The following ADAM32 variants were observed in gnomAD, a reference collection of about 807,000 sequenced individuals.
The protein encoded by ADAM32 is disintegrin and metalloproteinase domain-containing protein 32.
ADAM32 carries 89 observed loss-of-function variants against 114.9 expected under a neutral mutation model. That is an observed-to-expected ratio of 0.77 (90% CI 0.65 to 0.92). The LOEUF is 0.92. Ranked by LOEUF, ADAM32 falls within the 40% of genes least tolerant of loss-of-function variation. ADAM32 has a pLI of 0.00. For synonymous variants in ADAM32, 285 were observed against 307.5 expected (o/e 0.93, Z 0.77); for missense variants, 870 against 932.8 (o/e 0.93, Z 0.88).
chr8:39,242,871 A>G (rs1810653036), intron 16 of ADAM32, among the ~76,000 whole-genome samples: 1 of 152,184 alleles, frequency 6.6e-6, no homozygotes, highest in African/African-American at 2.4e-5. Flanking sequence ...GATAAACAAA[A>G]CGGATAGACC....
intron 6 of ADAM32, chr8:39,157,578 G>T: frequency 1.9e-6 from 1 of 535,578 alleles, no homozygotes; most frequent in South Asian, 1.5e-5. Context: ...TTTCTTGAGT[G>T]GTCCCATGAA....
At chr8:39,271,001 G>A in intron 20 of ADAM32, 87 bp downstream of exon 20, 1 of 1,235,984 alleles carries the variant, frequency 8.1e-7, no homozygotes, top group South Asian at 1.4e-5. Context: ...ATTTTTTTTT[G>A]AACATCAATT....
At chr8:39,210,905 G>A (rs1808160311) in intron 11 of ADAM32, among the ~76,000 whole-genome samples, 1 of 151,932 alleles carries the variant, frequency 6.6e-6, no homozygotes, top group Non-Finnish European at 1.5e-5. Flanking sequence ...TTTTAAAATT[G>A]GATTACTGTG....
At position 39,206,919 on chromosome 8, in the gene ADAM32, G is replaced by T. The variant is rs1029445377; in HGVS notation, c.1053-4225G>T. The stretch of plus-strand genomic sequence containing the variant: ...TGTGTCAGCTTGGGTCTTGGTGGGT[G>T]GGGGATGGGGGTGTTTGGGATCCAG... On this transcript the variant is annotated intron_variant, in intron 11 of 24. Coordinates refer to ENST00000379907, the MANE Select transcript of ADAM32 (RefSeq NM_145004.7). 2.6e-5 allele frequency among the ~76,000 whole-genome samples: 4 copies of T among 152,154 alleles called. No individual in the cohort carries two copies. The East Asian group carries it at 7.7e-4, about 29-fold the overall frequency.
chr8:39,160,848 A>C, intron 6 of ADAM32, 49 bp from the exon 7 acceptor site: 1 of 1,476,000 alleles, frequency 6.8e-7, no homozygotes. Flanking sequence ...TTCAAGTAAA[A>C]AAATTATGAA....
intron 6 of ADAM32, among the ~76,000 whole-genome samples, chr8:39,159,587 T>A (rs1179376164): frequency 6.6e-6 from 1 of 152,212 alleles, no homozygotes; most frequent in Non-Finnish European, 1.5e-5. Flanking sequence ...CTTCCTAGAC[T>A]TTTTAGTGTG....
chr8:39,133,870 C>T (rs1802613966), intron 2 of ADAM32, among the ~76,000 whole-genome samples: 1 of 152,212 alleles, frequency 6.6e-6, no homozygotes, highest in Admixed American at 6.5e-5. Context: ...GGTCCTCAGA[C>T]TTACTGAAGG....
intron 13 of ADAM32, among the ~76,000 whole-genome samples, chr8:39,221,959 C>CCT (rs1554618165): frequency 4.0e-5 from 6 of 151,500 alleles, no homozygotes; most frequent in Non-Finnish European, 8.9e-5. Flanking sequence ...ATACGGAAGA[C>CCT]CTCTATTGAA....
intron 11 of ADAM32, among the ~76,000 whole-genome samples, chr8:39,206,849 A>G (rs1467757720): frequency 6.6e-6 from 1 of 151,578 alleles, no homozygotes; most frequent in Non-Finnish European, 1.5e-5. Context: ...TCTGAACCTG[A>G]ATCTGGTGGT....
At chr8:39,117,702 C>G (rs1306390135) in intron 1 of ADAM32, among the ~76,000 whole-genome samples, 1 of 151,826 alleles carries the variant, frequency 6.6e-6, no homozygotes, top group African/African-American at 2.4e-5. Context: ...TCTTGGAAAC[C>G]CAACAATTTC....
intron 19 of ADAM32, among the ~76,000 whole-genome samples, chr8:39,269,684 T>C (rs73608650): frequency 0.15 from 23,440 of 152,214 alleles, 2,028 homozygotes; most frequent in Middle Eastern, 0.26. Flanking sequence ...AGTGTAGTGT[T>C]GACATTAACT....
At chr8:39,266,563 A>G (rs1318745882) in intron 19 of ADAM32, among the ~76,000 whole-genome samples, 2 of 151,994 alleles carry the variant, frequency 1.3e-5, no homozygotes, top group East Asian at 3.9e-4. Context: ...CTCTTCGACC[A>G]TGTTGCTGTG....
In ADAM32 at chr8:39,223,106, A is replaced by G; in HGVS notation, c.1393A>G (p.Asn465Asp). 2 of 1,594,808 alleles carry G rather than the reference A, an allele frequency of 1.3e-6. No homozygotes were observed. Among genetic ancestry groups the G allele is most frequent in the Non-Finnish European group, 8.5e-7 (1 of 1,171,302 alleles). Residue 465 changes from asparagine to aspartate, a missense_variant, in exon 14 of 25, where the codon AAT becomes GAT. Transcript: ENST00000379907. ...HPECDIAENC[N>D]GTSPECGPDI... ...TGAATGTGACATCGCTGAAAATTGT[A>G]ATGGAACCTCACCAGAATGTGGTCC...
chr8:39,142,812 C>G (rs577603099), intron 3 of ADAM32, among the ~76,000 whole-genome samples: 1 of 152,290 alleles, frequency 6.6e-6, no homozygotes, highest in East Asian at 1.9e-4. Context: ...TATCTTGGTT[C>G]CATTCTCCCT....
chr8:39,284,412 T>TAC (rs1008298018), intron 24 of ADAM32, among the ~76,000 whole-genome samples: 5 of 149,448 alleles, frequency 3.3e-5, no homozygotes, highest in South Asian at 2.1e-4. Context: ...TACACACACA[T>TAC]ACACACACAC....
chr8:39,284,844 G>A lies in ADAM32; in HGVS notation c.*45G>A. ...CGGATAACATCGAGAGTCTCGCTAA[G>A]AAATGAAAATTCTGTCTTTCCTTCC... On this transcript the variant is annotated 3_prime_UTR_variant, in exon 25 of 25. Coordinates refer to ENST00000379907, the MANE Select transcript of ADAM32 (RefSeq NM_145004.7). 6.2e-7 allele frequency: 1 copy of A among 1,608,776 alleles called. No homozygotes were observed. Among genetic ancestry groups the A allele is most frequent in the South Asian group, 1.1e-5 (1 of 90,758 alleles).
chr8:39,250,228 G>C (rs531477876), intron 17 of ADAM32, among the ~76,000 whole-genome samples: 2 of 150,120 alleles, frequency 1.3e-5, no homozygotes, highest in African/African-American at 4.9e-5. Context: ...CATTTTTTTA[G>C]TTGTCCCACA....
At chr8:39,225,465 C>T (rs973546909) in intron 14 of ADAM32, among the ~76,000 whole-genome samples, 2 of 152,196 alleles carry the variant, frequency 1.3e-5, no homozygotes, top group African/African-American at 4.8e-5. Context: ...TCTGTGGCTA[C>T]TGCATGGTCA....
intron 10 of ADAM32, among the ~76,000 whole-genome samples, chr8:39,175,172 T>A: frequency 6.9e-6 from 1 of 144,258 alleles, no homozygotes; most frequent in East Asian, 1.9e-4. Flanking sequence ...GAATTCCCTT[T>A]ATTTTTTTAT....
Sources: allele counts gnomAD v4.1 joint callset (sites outside exome capture counted in the v4.1 genomes callset), GRCh38; gene constraint gnomAD v4.1.1; transcripts MANE v1.5; gene names NCBI Gene and HGNC (gene_info 2026-07-23, HGNC 2026-07-21).